Variants in HDAC9 observed in about 807,000 individuals in gnomAD.
HDAC9 encodes MEF-2 interacting transcription repressor (MITR) protein.
In HDAC9, 41 loss-of-function variants were observed where a neutral mutation model predicts 139.4. The ratio of observed to expected loss-of-function variants is 0.29; its 90% CI spans 0.23 to 0.38. The LOEUF is 0.38. HDAC9 is among the 10% of genes least tolerant of loss of function. The pLI is 1.00. For missense variants in HDAC9, 1,147 were observed against 1,297.0 expected, an observed-to-expected ratio of 0.88 and a Z score of 1.78; for synonymous variants, 517 against 476.2, an observed-to-expected ratio of 1.09 and a Z score of -1.12.
chr7:18,345,541 C>T (rs1190397108), intron 1 of HDAC9, among the ~76,000 whole-genome samples: 1 of 147,784 alleles, frequency 6.8e-6, no homozygotes, highest in Non-Finnish European at 1.5e-5. Context: ...TCTCATAAGA[C>T]ACTTTGTTCC....
At chr7:18,794,406 A>T (rs1413687231) in intron 17 of HDAC9, among the ~76,000 whole-genome samples, 1 of 152,234 alleles carries the variant, frequency 6.6e-6, no homozygotes, top group African/African-American at 2.4e-5. Context: ...GTGATTAAAA[A>T]TGTGGAGTAG....
At chr7:18,257,406 C>G (rs953112683) in intron 2 of HDAC9, among the ~76,000 whole-genome samples, 98 of 141,058 alleles carry the variant, frequency 6.9e-4, no homozygotes, top group Non-Finnish European at 1.2e-3. Context: ...CTCTCCCACA[C>G]ACACACACAC....
rs146021680 is a variant in HDAC9, at chr7:18,422,740, A to ACG, written c.-41-73518_-41-73517dup. 2.5e-4 allele frequency among the ~76,000 whole-genome samples: 36 copies of ACG among 144,454 alleles called. 1 individual carries two copies. In the East Asian group the frequency reaches 3.3e-3, roughly 13 times the overall value. 94.8% of individuals were successfully genotyped at this position (144,454 alleles called of 152,430 possible). A position where few individuals can be genotyped will look rare whatever the true frequency, so the allele number is the denominator to read the frequency against. On this transcript the variant is annotated intron_variant, in intron 1 of 3. Coordinates refer to the HDAC9 transcript ENST00000413509. ...CTGTCATTAGCTTTAAGACACACACACGCGCACACACACACACACACACAC... is the reference window on the plus strand; with the variant it reads ...CTGTCATTAGCTTTAAGACACACACACGCGCGCACACACACACACACACACAC...
intron 1 of HDAC9, among the ~76,000 whole-genome samples, chr7:18,137,090 A>G (rs2128106456): frequency 6.8e-6 from 1 of 146,048 alleles, no homozygotes; most frequent in South Asian, 2.3e-4. Flanking sequence ...TTCACTCATG[A>G]TTTGGCTCTC....
intron 2 of HDAC9, among the ~76,000 whole-genome samples, chr7:18,506,776 CATT>C (rs1274200412): frequency 2.0e-5 from 3 of 152,070 alleles, no homozygotes; most frequent in African/African-American, 7.2e-5. Context: ...AAGATACTGT[CATT>C]ATAATGCACT....
chr7:18,298,466 G>A (rs903467020), intron 1 of HDAC9, among the ~76,000 whole-genome samples: 3 of 151,794 alleles, frequency 2.0e-5, no homozygotes, highest in Non-Finnish European at 2.9e-5. Context: ...CCCAGAGTGT[G>A]ATATTCCCCT....
chr7:18,536,173 AT>A (rs1321942929), intron 2 of HDAC9, among the ~76,000 whole-genome samples: 5 of 152,218 alleles, frequency 3.3e-5, no homozygotes, highest in Non-Finnish European at 7.3e-5. Context: ...ATGTGTAAAT[AT>A]CCCAGCTTCC....
At chr7:18,580,458 T>C (rs1012658) in intron 2 of HDAC9, among the ~76,000 whole-genome samples, 49,784 of 152,064 alleles carry the variant, frequency 0.33, 9,337 homozygotes, top group Non-Finnish European at 0.41. Context: ...ATATGAACAA[T>C]ATAATATAAT....
At chr7:18,185,583 C>T (rs1789843143) in intron 2 of HDAC9, among the ~76,000 whole-genome samples, 1 of 152,160 alleles carries the variant, frequency 6.6e-6, no homozygotes, top group South Asian at 2.1e-4. Flanking sequence ...TTGTTACAAG[C>T]ATAGATAAGA....
At chr7:18,105,164 G>A (rs1431337530) in intron 1 of HDAC9, among the ~76,000 whole-genome samples, 3 of 115,412 alleles carry the variant, frequency 2.6e-5, no homozygotes, top group Non-Finnish European at 5.5e-5. Context: ...CTTTCTAGAT[G>A]TGGATTTCAT....
At chr7:18,672,606 C>T (rs1323648077) in intron 12 of HDAC9, among the ~76,000 whole-genome samples, 2 of 151,916 alleles carry the variant, frequency 1.3e-5, no homozygotes, top group Non-Finnish European at 2.9e-5. Context: ...CTCTTGGTAT[C>T]ATATTTTAAA....
chr7:18,582,771 T>C (rs905286700), intron 2 of HDAC9, among the ~76,000 whole-genome samples: 1 of 152,214 alleles, frequency 6.6e-6, no homozygotes, highest in East Asian at 1.9e-4. Flanking sequence ...ATCCTAGAGT[T>C]GGCAAACCTG....
chr7:18,569,614 G>T (rs1161635172), intron 2 of HDAC9, among the ~76,000 whole-genome samples: 2 of 152,092 alleles, frequency 1.3e-5, no homozygotes, highest in Non-Finnish European at 1.5e-5. Context: ...TATGAGTTCT[G>T]CCAGAAATAG....
chr7:18,974,936 G>A (rs1227559130), intron 24 of HDAC9, among the ~76,000 whole-genome samples: 1 of 152,104 alleles, frequency 6.6e-6, no homozygotes, highest in Non-Finnish European at 1.5e-5. Flanking sequence ...AGCAAACACT[G>A]CATACCAAAG....
At chr7:18,702,009 T>C (rs759276006) in intron 12 of HDAC9, among the ~76,000 whole-genome samples, 6 of 152,232 alleles carry the variant, frequency 3.9e-5, no homozygotes, top group Non-Finnish European at 1.5e-5. Context: ...TCTTTCACTC[T>C]TTTTCTTACT....
intron 1 of HDAC9, among the ~76,000 whole-genome samples, chr7:18,463,244 G>A (rs213270): frequency 0.96 from 145,720 of 152,030 alleles, 69,833 homozygotes; most frequent in East Asian, 1. Flanking sequence ...TAGAGTTGGC[G>A]CCAAGATATA....
chr7:18,983,456 G>C (rs1265207609), intron 25 of HDAC9, among the ~76,000 whole-genome samples: 1 of 152,012 alleles, frequency 6.6e-6, no homozygotes, highest in Non-Finnish European at 1.5e-5. Context: ...AGTTTTTTTG[G>C]ATGATATATA....
At chr7:18,687,990 G>C (rs1782397734) in intron 12 of HDAC9, among the ~76,000 whole-genome samples, 1 of 151,686 alleles carries the variant, frequency 6.6e-6, no homozygotes. Context: ...GTAGCTATCA[G>C]ATTTCCATTT....
At position 18,829,539 on chromosome 7, in the gene HDAC9, T is replaced by C; in HGVS notation, c.2457T>C (p.Ile819=). The C allele has an allele frequency of 6.3e-7, 1 of 1,593,608 alleles. No individual in the cohort carries two copies. The highest frequency in any genetic ancestry group is 8.6e-7 in the Non-Finnish European group (1 of 1,162,490). Residue 819 remains isoleucine, a synonymous_variant, in exon 19 of 26, where the codon ATT becomes ATC. Transcript: ENST00000686413. ...RDQLNISKIL[I]VDLDVHHGNG... ...AACTAAATATAAGCAAGATATTGAT[T>C]GTAGATCTGGTATGTATTCCTGGCC...
Sources: allele counts gnomAD v4.1 joint callset (sites outside exome capture counted in the v4.1 genomes callset), GRCh38; gene constraint gnomAD v4.1.1; transcripts MANE v1.5; gene names NCBI Gene and HGNC (gene_info 2026-07-23, HGNC 2026-07-21).